The following CDK6 variants were observed in gnomAD, a reference collection of about 807,000 sequenced individuals.
CDK6 encodes cyclin dependent kinase 6.
A neutral mutation model predicts 37.1 loss-of-function variants in CDK6; 6 were observed. That is an observed-to-expected ratio of 0.16 (90% CI 0.09 to 0.32). CDK6 has a LOEUF of 0.32. Ranked by LOEUF, CDK6 falls within the 10% of genes least tolerant of loss-of-function variation. The probability of loss-of-function intolerance (pLI) is 1.00; values close to 1 mark genes in which losing one functional copy is unlikely to be tolerated. For missense variants in CDK6, 224 were observed against 418.9 expected, an observed-to-expected ratio of 0.53 and a Z score of 4.06; for synonymous variants, 160 against 161.3, an observed-to-expected ratio of 0.99 and a Z score of 0.06.
At chr7:92,733,882 T>C (rs993442453) in intron 3 of CDK6, among the ~76,000 whole-genome samples, 23 of 152,164 alleles carry the variant, frequency 1.5e-4, no homozygotes, top group African/African-American at 5.6e-4. Context: ...ATTTATTTAT[T>C]TTTAGAGGCT....
intron 4 of CDK6, among the ~76,000 whole-genome samples, chr7:92,713,296 C>T (rs987505999): frequency 4.6e-5 from 7 of 152,118 alleles, no homozygotes; most frequent in African/African-American, 1.7e-4. Flanking sequence ...CCTGTAAAGT[C>T]TTTTAAAATG....
At chr7:92,836,197 G>A (rs977145261) in intron 1 of CDK6, among the ~76,000 whole-genome samples, 4 of 152,026 alleles carry the variant, frequency 2.6e-5, no homozygotes, top group Non-Finnish European at 5.9e-5. Context: ...ATACGTGGAA[G>A]CAGGATCTCG....
intron 3 of CDK6, among the ~76,000 whole-genome samples, chr7:92,760,361 G>A (rs1263042931): frequency 6.6e-6 from 1 of 152,082 alleles, no homozygotes; most frequent in Non-Finnish European, 1.5e-5. Flanking sequence ...AACATGTACT[G>A]AATGTTTTTA....
At chr7:92,672,513 A>G (rs1361936199) in intron 4 of CDK6, among the ~76,000 whole-genome samples, 1 of 151,886 alleles carries the variant, frequency 6.6e-6, no homozygotes, top group East Asian at 1.9e-4. Context: ...AGCGTATAGT[A>G]ATAGATGAAA....
chr7:92,709,032 A>G (rs918823917), intron 4 of CDK6, among the ~76,000 whole-genome samples: 3 of 151,220 alleles, frequency 2.0e-5, no homozygotes, highest in African/African-American at 2.4e-5. Context: ...AGTAAATTTC[A>G]TATCAGATTT....
chr7:92,654,486 G>A (rs1796645507), intron 5 of CDK6, among the ~76,000 whole-genome samples: 1 of 151,896 alleles, frequency 6.6e-6, no homozygotes, highest in Admixed American at 6.6e-5. Flanking sequence ...AATATTTAAT[G>A]GTCTCTGAGT....
chr7:92,665,891 T>A (rs1266088259), intron 5 of CDK6, among the ~76,000 whole-genome samples: 1 of 152,244 alleles, frequency 6.6e-6, no homozygotes, highest in Admixed American at 6.5e-5. Flanking sequence ...GATTGTTGTA[T>A]GCCCATGGGC....
intron 5 of CDK6, among the ~76,000 whole-genome samples, chr7:92,646,447 G>C (rs1339579390): frequency 6.7e-6 from 1 of 148,920 alleles, no homozygotes; most frequent in Non-Finnish European, 1.5e-5. Context: ...ACCCAGGCCA[G>C]AGTGCAGTGG....
At chr7:92,652,227 C>G (rs567229687) in intron 5 of CDK6, among the ~76,000 whole-genome samples, 1 of 152,202 alleles carries the variant, frequency 6.6e-6, no homozygotes, top group Non-Finnish European at 1.5e-5. Flanking sequence ...ACATCACCCA[C>G]CTGAGAGTTT....
In CDK6 at chr7:92,833,855, C is replaced by G; in HGVS notation, c.-367-165G>C. 1 of 398,958 alleles carries G rather than the reference C, an allele frequency of 2.5e-6. No individual in the cohort carries two copies. Among genetic ancestry groups the G allele is most frequent in the Non-Finnish European group, 4.4e-6 (1 of 226,334 alleles). 24.7% of individuals were successfully genotyped at this position (398,958 alleles called of 1,614,324 possible). On this transcript the variant is annotated intron_variant, in intron 1 of 7. Transcript: ENST00000424848. The surrounding 1 kb of genome is among the most constrained non-coding windows in gnomAD (Gnocchi z 6.1). Reference sequence around the variant, plus strand: ...GCCGCTTAATCCTTCCTGGTTCCTCCGAGAAAAGCGAAGTTACTTTTCTTT... The same window carrying G: ...GCCGCTTAATCCTTCCTGGTTCCTCGGAGAAAAGCGAAGTTACTTTTCTTT...
intron 2 of CDK6, among the ~76,000 whole-genome samples, chr7:92,777,581 A>C (rs761609356): frequency 2.1e-4 from 32 of 151,970 alleles, no homozygotes; most frequent in South Asian, 8.3e-4. Context: ...GTTCTGTTCC[A>C]TTGGTCTATA....
At chr7:92,638,960 T>C (rs1327288248) in intron 5 of CDK6, among the ~76,000 whole-genome samples, 1 of 152,090 alleles carries the variant, frequency 6.6e-6, no homozygotes, top group East Asian at 1.9e-4. Context: ...TGTGGTAGAA[T>C]AGTTGGCAAA....
rs567470821 is a variant in CDK6 at position 92,801,789 on chromosome 7, T to C, written c.234-26958A>G. Among the ~76,000 whole-genome samples, 8 of 152,232 alleles carry C rather than the reference T, an allele frequency of 5.3e-5. No individual in the cohort carries two copies. The South Asian group carries it at 1.7e-3, about 32-fold the overall frequency. On this transcript the variant is annotated intron_variant, in intron 2 of 7. Transcript: ENST00000424848. ...GGCGTGCGCCATCATGCCTGGCTAA[T>C]TTTTGTACATTTGGTAGAGATGGGG... is the stretch of plus-strand genomic sequence containing the variant.
At chr7:92,654,005 T>G (rs1469128387) in intron 5 of CDK6, among the ~76,000 whole-genome samples, 1 of 152,182 alleles carries the variant, frequency 6.6e-6, no homozygotes, top group East Asian at 1.9e-4. Context: ...TTTCTCAGTA[T>G]TTTGTGAGAA....
rs1235878705 is a variant in CDK6, at chr7:92,612,860, G to GA, written c.*2279dup. Reference sequence around the variant, plus strand: ...TGAATACTAACCAAAAAGCTCAGATGAATCAGTGCAGTGAGTTTTTAAATT... The same window carrying GA: ...TGAATACTAACCAAAAAGCTCAGATGAAATCAGTGCAGTGAGTTTTTAAATT... On this transcript the variant is annotated 3_prime_UTR_variant, in exon 8 of 8. Coordinates refer to ENST00000424848, the MANE Select transcript of CDK6 (RefSeq NM_001145306.2). The GA allele has an allele frequency of 3.9e-5, 9 of 232,990 alleles. No individual in the cohort carries two copies. The highest frequency in any genetic ancestry group is 2.0e-4 in the African/African-American group (9 of 45,342). The allele number at this position is 232,990 out of a possible 1,614,324, so 14.4% of individuals were successfully genotyped here.
intron 4 of CDK6, among the ~76,000 whole-genome samples, chr7:92,690,639 A>C (rs1481778741): frequency 6.6e-6 from 1 of 152,216 alleles, no homozygotes; most frequent in Non-Finnish European, 1.5e-5. Flanking sequence ...AACATCTATT[A>C]ACATTCTACA....
chr7:92,606,055 C>T lies in CDK6; in HGVS notation c.*9085G>A, dbSNP rs576488766. The T allele has an allele frequency of 8.6e-6, 2 of 233,588 alleles. No homozygotes were observed. The highest frequency in any genetic ancestry group is 1.8e-4 in the South Asian group (1 of 5,524). 14.5% of individuals were successfully genotyped at this position (233,588 alleles called of 1,614,324 possible). On this transcript the variant is annotated 3_prime_UTR_variant, in exon 8 of 8. Coordinates refer to ENST00000424848, the MANE Select transcript of CDK6 (RefSeq NM_001145306.2). The stretch of plus-strand genomic sequence containing the variant: ...CAAACGGAATAAGAATAATTATGCA[C>T]CTTTAAGGAACATGCACCCTTATAA...
intron 2 of CDK6, among the ~76,000 whole-genome samples, chr7:92,807,463 T>C (rs1800757192): frequency 6.6e-6 from 1 of 151,866 alleles, no homozygotes; most frequent in Non-Finnish European, 1.5e-5. Context: ...CACATCTCCT[T>C]ATAAATATAT....
At chr7:92,786,174 G>C (rs1383726477) in intron 2 of CDK6, among the ~76,000 whole-genome samples, 1 of 152,158 alleles carries the variant, frequency 6.6e-6, no homozygotes, top group Non-Finnish European at 1.5e-5. Flanking sequence ...GGCCTCTCTT[G>C]AGGAAAAATG....
Sources: gnomAD v4.1 joint callset for allele counts (sites outside exome capture counted in the v4.1 genomes callset) on GRCh38, gnomAD v4.1.1 for gene constraint, Gnocchi (gnomAD v3.1) non-coding constraint, MANE v1.5 for transcripts, NCBI Gene and HGNC (gene_info 2026-07-23, HGNC 2026-07-21) for gene names.